The following LARP1B variants were observed in gnomAD, a reference collection of about 807,000 sequenced individuals.
LARP1B encodes la-related protein 1B.
A neutral mutation model predicts 114.2 loss-of-function variants in LARP1B; 76 were observed. That is an observed-to-expected ratio of 0.67 (90% CI 0.55 to 0.81). The LOEUF (loss-of-function observed/expected upper bound fraction) is 0.81. Among genes scored for constraint, LARP1B ranks in the 30% least tolerant of loss-of-function variants. The probability of loss-of-function intolerance (pLI) is 0.00; values close to 1 mark genes in which losing one functional copy is unlikely to be tolerated. For missense variants in LARP1B, 1,014 were observed against 1,075.8 expected, an observed-to-expected ratio of 0.94 and a Z score of 0.80; for synonymous variants, 345 against 348.0, an observed-to-expected ratio of 0.99 and a Z score of 0.10.
chr4:128,086,169 A>AT (rs1351235536), intron 5 of LARP1B, among the ~76,000 whole-genome samples: 5 of 151,080 alleles, frequency 3.3e-5, no homozygotes, highest in Middle Eastern at 3.5e-3. Context: ...ACGCCCGGCT[A>AT]TTTTTTTTGT....
intron 11 of LARP1B, among the ~76,000 whole-genome samples, chr4:128,124,669 A>G (rs1018103912): frequency 6.6e-6 from 1 of 152,198 alleles, no homozygotes; most frequent in Non-Finnish European, 1.5e-5. Context: ...GTACAGGGAC[A>G]AGAGTGGGCA....
intron 19 of LARP1B, among the ~76,000 whole-genome samples, chr4:128,208,099 G>A (rs1299448288): frequency 2.0e-5 from 3 of 152,110 alleles, no homozygotes; most frequent in Non-Finnish European, 2.9e-5. Flanking sequence ...AGGCCGAGGC[G>A]GGTGGATCAC....
rs369573990 is a variant in LARP1B at position 128,208,868 on chromosome 4, G to T, written c.2548-988G>T. Among the ~76,000 whole-genome samples, 65 of 152,234 alleles carry T rather than the reference G, an allele frequency of 4.3e-4. No individual in the cohort carries two copies. The South Asian group carries it at 0.013, about 30-fold the overall frequency. On this transcript the variant is annotated intron_variant, in intron 19 of 19. Coordinates refer to ENST00000326639, the MANE Select transcript of LARP1B (RefSeq NM_018078.4). The stretch of plus-strand genomic sequence containing the variant: ...TAGATAAACCTTCAAACTTGCTAAC[G>T]ATAATTTAACTTGGCATCTCTTTTA...
intron 7 of LARP1B, among the ~76,000 whole-genome samples, chr4:128,095,703 T>C (rs901044636): frequency 5.9e-5 from 9 of 151,606 alleles, no homozygotes; most frequent in African/African-American, 2.0e-4. Flanking sequence ...TTTCCAGTTA[T>C]AGATGCCTTT....
intron 1 of LARP1B, among the ~76,000 whole-genome samples, chr4:128,063,070 G>A (rs919852726): frequency 6.6e-6 from 1 of 152,140 alleles, no homozygotes; most frequent in African/African-American, 2.4e-5. Flanking sequence ...CACTATATTT[G>A]AATGCTGACC....
At chr4:128,118,486 T>G (rs1561294016) in intron 10 of LARP1B, among the ~76,000 whole-genome samples, 1 of 151,962 alleles carries the variant, frequency 6.6e-6, no homozygotes, top group Non-Finnish European at 1.5e-5. Context: ...TCCGCCCGCC[T>G]CAGCCTCCCA....
intron 11 of LARP1B, among the ~76,000 whole-genome samples, chr4:128,156,552 A>C (rs1169509032): frequency 1.3e-5 from 2 of 151,302 alleles, no homozygotes; most frequent in African/African-American, 4.9e-5. Context: ...ACTCTCCATC[A>C]CCCTCTTCCT....
chr4:128,114,582 A>G lies in LARP1B; in HGVS notation c.1001A>G (p.Asn334Ser). The G allele has an allele frequency of 6.2e-7, 1 of 1,611,286 alleles. No homozygotes were observed. Residue 334 changes from asparagine to serine, a missense_variant, in exon 10 of 20, where the codon AAT becomes AGT. Asn to Ser is a conservative substitution (Grantham distance 46). Coordinates refer to ENST00000326639, the MANE Select transcript of LARP1B (RefSeq NM_018078.4). Reference protein sequence around the residue: ...AFCSHTESAPNSPRIGSPLSP... With the variant: ...AFCSHTESAPSSPRIGSPLSP... ...CTTAAAATTTTAGAGTCTGCCCCAA[A>G]TTCTCCAAGAATTGGAAGCCCATTG...
intron 13 of LARP1B, among the ~76,000 whole-genome samples, chr4:128,177,402 C>T (rs1746700866): frequency 6.6e-6 from 1 of 151,880 alleles, no homozygotes; most frequent in East Asian, 1.9e-4. Flanking sequence ...GAAGAAAAAC[C>T]ACACAGAAAT....
At chr4:128,078,284 A>G (rs1367975416) in intron 4 of LARP1B, among the ~76,000 whole-genome samples, 1 of 152,104 alleles carries the variant, frequency 6.6e-6, no homozygotes, top group African/African-American at 2.4e-5. Context: ...ATATTTAGGG[A>G]GTACTGTGAA....
At chr4:128,082,548 T>C (rs1278971109) in intron 5 of LARP1B, among the ~76,000 whole-genome samples, 1 of 152,176 alleles carries the variant, frequency 6.6e-6, no homozygotes, top group Non-Finnish European at 1.5e-5. Context: ...TAAAGTCCTT[T>C]ATAGTCGTCC....
chr4:128,148,190 G>A (rs1413912952), intron 11 of LARP1B, among the ~76,000 whole-genome samples: 1 of 152,138 alleles, frequency 6.6e-6, no homozygotes, highest in African/African-American at 2.4e-5. Context: ...TAGCACTTTG[G>A]GAGGCTGAGG....
At chr4:128,176,283 G>C (rs748270124) in intron 12 of LARP1B, among the ~76,000 whole-genome samples, 3 of 111,228 alleles carry the variant, frequency 2.7e-5, no homozygotes, top group African/African-American at 4.3e-5. Context: ...GTGTGTGTGT[G>C]TGTATATATA....
chr4:128,155,057 A>C (rs897019538), intron 11 of LARP1B, among the ~76,000 whole-genome samples: 10 of 152,212 alleles, frequency 6.6e-5, no homozygotes, highest in African/African-American at 2.4e-4. Flanking sequence ...TACTGGTGTG[A>C]GCCACTGTGC....
intron 1 of LARP1B, chr4:128,069,475 C>T (rs2149330663): frequency 2.6e-6 from 2 of 754,838 alleles, no homozygotes; most frequent in East Asian, 4.9e-5. Flanking sequence ...GCCTTGTAGC[C>T]CAGCTGGTGC....
upstream of LARP1B, chr4:128,061,226 G>C (rs1243317904): frequency 6.6e-6 from 1 of 152,134 alleles, no homozygotes; most frequent in East Asian, 1.9e-4. Context: ...GAAGGACCCG[G>C]TGAGTAGCCA....
intron 4 of LARP1B, among the ~76,000 whole-genome samples, chr4:128,079,582 G>C (rs1344664367): frequency 6.6e-6 from 1 of 151,328 alleles, no homozygotes; most frequent in Non-Finnish European, 1.5e-5. Context: ...TTAAAATTTT[G>C]AAACAGGGTC....
intron 11 of LARP1B, among the ~76,000 whole-genome samples, chr4:128,139,673 A>G (rs946731163): frequency 6.6e-6 from 1 of 151,494 alleles, no homozygotes; most frequent in Non-Finnish European, 1.5e-5. Flanking sequence ...CACACACACA[A>G]AAGATTCAGT....
At chr4:128,220,690 A>G (rs1759948922) in intron 7 of LARP1B, among the ~76,000 whole-genome samples, 1 of 152,214 alleles carries the variant, frequency 6.6e-6, no homozygotes, top group Non-Finnish European at 1.5e-5. Flanking sequence ...CTTTCACTTA[A>G]GAGTTTGAAG....
Sources: gnomAD v4.1 joint callset for allele counts (sites outside exome capture counted in the v4.1 genomes callset) on GRCh38, gnomAD v4.1.1 for gene constraint, MANE v1.5 for transcripts, NCBI Gene and HGNC (gene_info 2026-07-23, HGNC 2026-07-21) for gene names.